BTBD9: variants seen among roughly 807,000 people sequenced by gnomAD.
BTBD9 encodes BTB/POZ domain-containing protein 9.
BTBD9 carries 49 observed loss-of-function variants against 64.3 expected under a neutral mutation model. The observed-to-expected ratio is 0.76, with a 90% CI of 0.61 to 0.97. The LOEUF (loss-of-function observed/expected upper bound fraction) is 0.97. Among genes scored for constraint, BTBD9 ranks in the 50% least tolerant of loss-of-function variants. The probability of loss-of-function intolerance (pLI) is 0.00; values close to 1 mark genes in which losing one functional copy is unlikely to be tolerated. For missense variants in BTBD9, 598 were observed against 762.1 expected, an observed-to-expected ratio of 0.78 and a Z score of 2.53; for synonymous variants, 260 against 274.7, an observed-to-expected ratio of 0.95 and a Z score of 0.53.
chr6:38,622,587 T>C (rs916740051), intron 1 of BTBD9, among the ~76,000 whole-genome samples: 2 of 152,210 alleles, frequency 1.3e-5, no homozygotes, highest in Non-Finnish European at 2.9e-5. Flanking sequence ...CCAGCTTTTA[T>C]GCTCTTACAT....
chr6:38,319,396 C>T (rs1299027588), intron 7 of BTBD9, among the ~76,000 whole-genome samples: 2 of 152,202 alleles, frequency 1.3e-5, no homozygotes, highest in Non-Finnish European at 2.9e-5. Flanking sequence ...TATGCTGGGC[C>T]ACACCCAAAG....
intron 9 of BTBD9, among the ~76,000 whole-genome samples, chr6:38,202,303 T>C (rs1279236314): frequency 6.6e-6 from 1 of 151,666 alleles, no homozygotes; most frequent in Non-Finnish European, 1.5e-5. Context: ...GCCAGGATGG[T>C]CTCCATCTCT....
chr6:38,350,489 AACTTCT>A (rs1390530618), intron 6 of BTBD9, among the ~76,000 whole-genome samples: 1 of 152,240 alleles, frequency 6.6e-6, no homozygotes, highest in Non-Finnish European at 1.5e-5. Flanking sequence ...GTGATCACCT[AACTTCT>A]GTACTGAGCA....
intron 6 of BTBD9, among the ~76,000 whole-genome samples, chr6:38,401,906 T>C (rs115823919): frequency 2.0e-5 from 3 of 152,342 alleles, no homozygotes; most frequent in African/African-American, 7.2e-5. Context: ...TAACTATACA[T>C]ACTCTACTCT....
intron 6 of BTBD9, among the ~76,000 whole-genome samples, chr6:38,396,329 T>C (rs1477062798): frequency 6.6e-6 from 1 of 152,192 alleles, no homozygotes; most frequent in Non-Finnish European, 1.5e-5. Context: ...GTGAACCTAC[T>C]ATGTCTCTAA....
At chr6:38,185,725 T>A (rs748845219) in intron 10 of BTBD9, among the ~76,000 whole-genome samples, 17 of 152,250 alleles carry the variant, frequency 1.1e-4, no homozygotes, top group Non-Finnish European at 2.2e-4. Flanking sequence ...GTCCCCTTGC[T>A]TTCTTTTTCT....
chr6:38,210,145 C>T (rs1251355407), intron 9 of BTBD9, among the ~76,000 whole-genome samples: 2 of 152,162 alleles, frequency 1.3e-5, no homozygotes, highest in Non-Finnish European at 2.9e-5. Context: ...CCCACTCTGC[C>T]ATACAGCCTC....
At chr6:38,504,692 T>C (rs992112853) in intron 6 of BTBD9, 52 of 438,146 alleles carry the variant, frequency 1.2e-4, no homozygotes, top group Admixed American at 1.2e-4. Flanking sequence ...TATAAATACA[T>C]TGTACCAGTG....
At chr6:38,623,622 G>A (rs748187911) in intron 1 of BTBD9, among the ~76,000 whole-genome samples, 8 of 152,042 alleles carry the variant, frequency 5.3e-5, no homozygotes, top group Admixed American at 5.2e-4. Flanking sequence ...GACGCTTCCC[G>A]GCATTTACAG....
intron 6 of BTBD9, among the ~76,000 whole-genome samples, chr6:38,507,855 A>G (rs1772603793): frequency 7.8e-6 from 1 of 128,884 alleles, no homozygotes; most frequent in African/African-American, 3.1e-5. Context: ...TTTTTTTGAG[A>G]CGGAGTCTCG....
chr6:38,285,440 C>T (rs1026654045), intron 8 of BTBD9, among the ~76,000 whole-genome samples: 7 of 151,930 alleles, frequency 4.6e-5, no homozygotes, highest in Admixed American at 1.3e-4. Flanking sequence ...GTGACTTGAA[C>T]AGGGAGGGAA....
chr6:38,305,037 T>C (rs752798111), intron 7 of BTBD9, among the ~76,000 whole-genome samples: 1 of 151,792 alleles, frequency 6.6e-6, no homozygotes, highest in Non-Finnish European at 1.5e-5. Flanking sequence ...TAGCACATGG[T>C]AGGCGCTCAA....
intron 5 of BTBD9, among the ~76,000 whole-genome samples, chr6:38,577,992 A>T (rs1430721980): frequency 6.6e-6 from 1 of 152,206 alleles, no homozygotes; most frequent in African/African-American, 2.4e-5. Context: ...CCAGGGTCCT[A>T]CACAGTGCTT....
intron 7 of BTBD9, among the ~76,000 whole-genome samples, chr6:38,319,521 C>T (rs1448858968): frequency 1.3e-5 from 2 of 151,970 alleles, no homozygotes; most frequent in African/African-American, 4.8e-5. Flanking sequence ...CCTGCCAGGA[C>T]TGGGTCCTTC....
At chr6:38,612,840 C>T (rs939952953) in intron 1 of BTBD9, 1 of 152,146 alleles carries the variant, frequency 6.6e-6, no homozygotes, top group African/African-American at 2.4e-5. Flanking sequence ...TTACCTTCTT[C>T]CCTTTCAATT....
intron 6 of BTBD9, among the ~76,000 whole-genome samples, chr6:38,520,497 T>C (rs1366044094): frequency 1.3e-5 from 2 of 152,192 alleles, no homozygotes; most frequent in Admixed American, 6.5e-5. Context: ...ATACACAAAA[T>C]TGTCAACTTT....
At chr6:38,614,219 C>T (rs904289356) in intron 1 of BTBD9, among the ~76,000 whole-genome samples, 1 of 152,150 alleles carries the variant, frequency 6.6e-6, no homozygotes, top group African/African-American at 2.4e-5. Flanking sequence ...CCTTCACTGA[C>T]GCTGCCAATC....
intron 8 of BTBD9, among the ~76,000 whole-genome samples, chr6:38,273,118 T>C (rs1278524480): frequency 6.6e-6 from 1 of 152,196 alleles, no homozygotes; most frequent in African/African-American, 2.4e-5. Flanking sequence ...TGTTCCCAAG[T>C]TGCTTATGCC....
At chr6:38,208,694 A>C (rs560354614) in intron 9 of BTBD9, among the ~76,000 whole-genome samples, 1 of 152,278 alleles carries the variant, frequency 6.6e-6, no homozygotes, top group Non-Finnish European at 1.5e-5. Flanking sequence ...GCACCCCAGG[A>C]GTATGTTCTT....
Sources: gnomAD v4.1 joint callset for allele counts (sites outside exome capture counted in the v4.1 genomes callset) on GRCh38, gnomAD v4.1.1 for gene constraint, MANE v1.5 for transcripts, NCBI Gene and HGNC (gene_info 2026-07-23, HGNC 2026-07-21) for gene names.